Variants in KCNIP1 observed in about 807,000 individuals in gnomAD.
The protein encoded by KCNIP1 is potassium voltage-gated channel interacting protein 1.
KCNIP1 carries 18 observed loss-of-function variants against 33.0 expected under a neutral mutation model. That is an observed-to-expected ratio of 0.55 (90% CI 0.38 to 0.81). The LOEUF is 0.81. Ranked by LOEUF, KCNIP1 falls within the 30% of genes least tolerant of loss-of-function variation. KCNIP1 has a pLI of 0.00. For synonymous variants in KCNIP1, 93 were observed against 98.3 expected, an observed-to-expected ratio of 0.95 and a Z score of 0.32; for missense variants, 238 against 271.6, an observed-to-expected ratio of 0.88 and a Z score of 0.87.
At chr5:170,438,087 C>T (rs1000366985) in intron 1 of KCNIP1, among the ~76,000 whole-genome samples, 1 of 151,942 alleles carries the variant, frequency 6.6e-6, no homozygotes, top group African/African-American at 2.4e-5. Flanking sequence ...CTGGCTTTAT[C>T]GAGAGGCTCT....
intron 1 of KCNIP1, among the ~76,000 whole-genome samples, chr5:170,442,211 G>T (rs925853717): frequency 2.0e-5 from 3 of 152,128 alleles, no homozygotes; most frequent in African/African-American, 7.2e-5. Context: ...AGACAGCGTT[G>T]CAAAGACCCC....
At chr5:170,579,296 T>C (rs1161455036) in intron 1 of KCNIP1, among the ~76,000 whole-genome samples, 5 of 152,160 alleles carry the variant, frequency 3.3e-5, no homozygotes, top group African/African-American at 9.7e-5. Context: ...GTTTAGAATA[T>C]AGCATTTAGG....
At chr5:170,599,346 G>A (rs1758600791) in intron 1 of KCNIP1, among the ~76,000 whole-genome samples, 1 of 152,100 alleles carries the variant, frequency 6.6e-6, no homozygotes, top group Admixed American at 6.5e-5. Flanking sequence ...TCCAGACACA[G>A]GTAAGAAGAC....
intron 1 of KCNIP1, among the ~76,000 whole-genome samples, chr5:170,475,599 G>C (rs968643767): frequency 3.9e-5 from 6 of 152,198 alleles, no homozygotes; most frequent in Non-Finnish European, 7.3e-5. Context: ...AAAAGGAGAA[G>C]TCACAAAGTT....
chr5:170,668,178 A>C (rs923901250), intron 1 of KCNIP1, among the ~76,000 whole-genome samples: 5 of 152,252 alleles, frequency 3.3e-5, no homozygotes, highest in Non-Finnish European at 7.3e-5. Flanking sequence ...GAGGTTAAGC[A>C]TGGAGCTGAT....
intron 1 of KCNIP1, among the ~76,000 whole-genome samples, chr5:170,566,540 G>A (rs1180454078): frequency 6.6e-6 from 1 of 152,214 alleles, no homozygotes; most frequent in Non-Finnish European, 1.5e-5. Flanking sequence ...CATTTTCAAT[G>A]CCCATGCTTT....
chr5:170,374,754 G>C (rs1227054866), intron 1 of KCNIP1: 1 of 152,176 alleles, frequency 6.6e-6, no homozygotes, highest in Non-Finnish European at 1.5e-5. Flanking sequence ...CGTAGGCACA[G>C]GGTCTAACTC....
intron 1 of KCNIP1, among the ~76,000 whole-genome samples, chr5:170,358,858 C>A (rs1014323962): frequency 1.3e-5 from 2 of 152,178 alleles, no homozygotes; most frequent in African/African-American, 4.8e-5. Context: ...GAACCCAGGT[C>A]TTGCTGCAGC....
chr5:170,613,761 GA>G (rs972882486), intron 1 of KCNIP1, among the ~76,000 whole-genome samples: 17 of 152,084 alleles, frequency 1.1e-4, no homozygotes, highest in Non-Finnish European at 1.9e-4. Context: ...AGAAGTGTCA[GA>G]AAAAAAGGTC....
intron 1 of KCNIP1, among the ~76,000 whole-genome samples, chr5:170,431,431 A>C (rs1160758918): frequency 6.6e-6 from 1 of 152,224 alleles, no homozygotes; most frequent in East Asian, 1.9e-4. Context: ...TTATGTGAGA[A>C]TCTGGGGGAT....
At chr5:170,610,770 G>A (rs1437650717) in intron 1 of KCNIP1, among the ~76,000 whole-genome samples, 2 of 152,178 alleles carry the variant, frequency 1.3e-5, no homozygotes, top group African/African-American at 4.8e-5. Context: ...CCTTATAAAT[G>A]TTCCCACGAT....
At chr5:170,709,730 G>A (rs1448551886) in intron 1 of KCNIP1, among the ~76,000 whole-genome samples, 1 of 152,000 alleles carries the variant, frequency 6.6e-6, no homozygotes, top group Non-Finnish European at 1.5e-5. Context: ...TTTTTAAAAT[G>A]TTCATTTATT....
At chr5:170,533,392 G>A (rs528749162) in intron 1 of KCNIP1, among the ~76,000 whole-genome samples, 1 of 152,298 alleles carries the variant, frequency 6.6e-6, no homozygotes, top group Non-Finnish European at 1.5e-5. Flanking sequence ...TACGCTGCGG[G>A]TACTGTTTTT....
chr5:170,467,631 G>A (rs1561639244), intron 1 of KCNIP1, among the ~76,000 whole-genome samples: 1 of 152,148 alleles, frequency 6.6e-6, no homozygotes, highest in Non-Finnish European at 1.5e-5. Flanking sequence ...TTAGAACTAA[G>A]TATAGGCTGG....
chr5:170,577,849 G>A (rs1312233718), intron 1 of KCNIP1, among the ~76,000 whole-genome samples: 2 of 152,338 alleles, frequency 1.3e-5, no homozygotes, highest in South Asian at 4.1e-4. Context: ...ATGTTTGTAA[G>A]TCAAGAGCTT....
intron 1 of KCNIP1, chr5:170,378,331 G>A: frequency 5.2e-6 from 1 of 190,516 alleles, no homozygotes; most frequent in Admixed American, 5.7e-5. Flanking sequence ...GCTTCTGGGG[G>A]AGGATGGGTA....
intron 1 of KCNIP1, among the ~76,000 whole-genome samples, chr5:170,575,941 G>A (rs906313726): frequency 2.0e-5 from 3 of 152,164 alleles, no homozygotes; most frequent in African/African-American, 7.2e-5. Flanking sequence ...TTAATCATCT[G>A]CTGAGTTCTC....
At chr5:170,444,966 A>G (rs1010412260) in intron 1 of KCNIP1, among the ~76,000 whole-genome samples, 3 of 152,206 alleles carry the variant, frequency 2.0e-5, no homozygotes, top group Non-Finnish European at 4.4e-5. Flanking sequence ...AGTCCACACA[A>G]ACCCTCGCTT....
chr5:170,593,458 T>C (rs908439127), intron 1 of KCNIP1, among the ~76,000 whole-genome samples: 3 of 152,226 alleles, frequency 2.0e-5, no homozygotes, highest in Admixed American at 2.0e-4. Context: ...TGGAGGGGTG[T>C]GTGGAGGCCG....
Sources: gnomAD v4.1 joint callset for allele counts (sites outside exome capture counted in the v4.1 genomes callset) on GRCh38, gnomAD v4.1.1 for gene constraint, MANE v1.5 for transcripts, NCBI Gene and HGNC (gene_info 2026-07-23, HGNC 2026-07-21) for gene names.